MBNL1: variants seen among roughly 807,000 people sequenced by gnomAD.
MBNL1 encodes muscleblind-like protein 1.
In MBNL1, 8 loss-of-function variants were observed where a neutral mutation model predicts 42.2. That is an observed-to-expected ratio of 0.19 (90% CI 0.11 to 0.34). The LOEUF (loss-of-function observed/expected upper bound fraction) is 0.34. Among genes scored for constraint, MBNL1 ranks in the 10% least tolerant of loss-of-function variants. The pLI, the probability that MBNL1 is intolerant of heterozygous loss-of-function variation, is 1.00. For missense variants in MBNL1, 309 were observed against 495.3 expected, an observed-to-expected ratio of 0.62 and a Z score of 3.57; for synonymous variants, 169 against 173.9, an observed-to-expected ratio of 0.97 and a Z score of 0.22.
intron 2 of MBNL1, among the ~76,000 whole-genome samples, chr3:152,355,217 T>C (rs2095426314): frequency 6.6e-6 from 1 of 152,210 alleles, no homozygotes; most frequent in Non-Finnish European, 1.5e-5. Flanking sequence ...AGAGCCAGGC[T>C]TCTTACCAGC....
intron 2 of MBNL1, among the ~76,000 whole-genome samples, chr3:152,386,594 G>T (rs889554455): frequency 6.6e-6 from 1 of 152,002 alleles, no homozygotes; most frequent in East Asian, 1.9e-4. Flanking sequence ...ATAATTTATA[G>T]TATGTGTAGT....
At chr3:152,371,962 CA>C (rs1455241688) in intron 2 of MBNL1, among the ~76,000 whole-genome samples, 2 of 152,226 alleles carry the variant, frequency 1.3e-5, no homozygotes, top group Non-Finnish European at 2.9e-5. Flanking sequence ...TTGGTCTTCT[CA>C]CATAGTCCCA....
intron 2 of MBNL1, among the ~76,000 whole-genome samples, chr3:152,386,815 T>C (rs2097449239): frequency 1.3e-5 from 2 of 152,156 alleles, no homozygotes; most frequent in African/African-American, 4.8e-5. Context: ...TTTAGACTTT[T>C]TAAAGCAGCA....
At chr3:152,244,881 A>C (rs1417957515) in intron 2 of MBNL1, among the ~76,000 whole-genome samples, 2 of 152,028 alleles carry the variant, frequency 1.3e-5, no homozygotes, top group African/African-American at 2.4e-5. Context: ...GCATTCTTAC[A>C]TTTGTTTTTA....
intron 3 of MBNL1, among the ~76,000 whole-genome samples, chr3:152,431,184 T>C (rs2099002253): frequency 6.6e-6 from 1 of 152,162 alleles, no homozygotes; most frequent in Non-Finnish European, 1.5e-5. Flanking sequence ...CGAGGGGCTG[T>C]CTTGTATGTT....
Position 152,304,897 on chromosome 3 carries a change from AG to A in MBNL1, c.174+4532del, listed in dbSNP as rs575616778. Among the ~76,000 whole-genome samples the A allele has an allele frequency of 3.1e-4, 47 of 152,310 alleles. No individual in the cohort carries two copies. In the South Asian group the frequency reaches 5.6e-3, roughly 18 times the overall value. On this transcript the variant is annotated intron_variant, in intron 2 of 9. Coordinates refer to ENST00000324210, the MANE Select transcript of MBNL1 (RefSeq NM_021038.5). ...TTAGAAAACTTTTTTTTATGAGTAA[AG>A]GTTTTTTTAGACTATTAGATAAATT...
At chr3:152,340,861 C>T (rs775503132) in intron 2 of MBNL1, 2 of 1,613,570 alleles carry the variant, frequency 1.2e-6, no homozygotes, top group African/African-American at 1.3e-5. Flanking sequence ...ATAGACAAAG[C>T]CAAGCCAGTA....
At chr3:152,356,715 A>G (rs1346734635) in intron 2 of MBNL1, among the ~76,000 whole-genome samples, 1 of 152,144 alleles carries the variant, frequency 6.6e-6, no homozygotes, top group African/African-American at 2.4e-5. Flanking sequence ...TGATCTGCCC[A>G]AAGTGAGACC....
chr3:152,247,563 T>C (rs980022735), intron 2 of MBNL1, among the ~76,000 whole-genome samples: 1 of 151,984 alleles, frequency 6.6e-6, no homozygotes, highest in Non-Finnish European at 1.5e-5. Context: ...ATCTGCATTG[T>C]AGAAAATAAA....
chr3:152,394,230 T>G (rs186394410), intron 2 of MBNL1, among the ~76,000 whole-genome samples: 52 of 152,336 alleles, frequency 3.4e-4, no homozygotes, highest in Admixed American at 2.0e-3. Flanking sequence ...TCAATTAGTG[T>G]GAAATACATA....
intron 1 of MBNL1, among the ~76,000 whole-genome samples, chr3:152,276,534 A>G (rs2045312829): frequency 6.6e-6 from 1 of 152,198 alleles, no homozygotes; most frequent in South Asian, 2.1e-4. Context: ...GCTTGAGAAC[A>G]TAAACGTTTG....
At chr3:152,264,953 AT>A (rs2036942920), upstream of MBNL1, 1 of 152,008 alleles carries the variant, frequency 6.6e-6, no homozygotes, top group Admixed American at 6.6e-5. Context: ...ACATATTTTT[AT>A]TTTTAAATAA....
chr3:152,328,989 T>A (rs968988648), intron 2 of MBNL1, among the ~76,000 whole-genome samples: 2 of 151,966 alleles, frequency 1.3e-5, no homozygotes, highest in Non-Finnish European at 2.9e-5. Context: ...AAGGAGCTAG[T>A]GAAAAGTAAA....
chr3:152,427,412 A>AG (rs2098946860), intron 3 of MBNL1, among the ~76,000 whole-genome samples: 2 of 152,038 alleles, frequency 1.3e-5, no homozygotes, highest in Non-Finnish European at 2.9e-5. Context: ...TTAAAGATAG[A>AG]GGGTCTTGCT....
chr3:152,268,862 G>A (rs2038122611), upstream of MBNL1: 1 of 453,640 alleles, frequency 2.2e-6, no homozygotes, highest in Non-Finnish European at 4.4e-6. Flanking sequence ...GGCGGGCGGG[G>A]GAGGGGCCGC....
At position 152,403,816 on chromosome 3, in the gene MBNL1, G is replaced by A. The variant is rs114522164; in HGVS notation, c.175-11125G>A. Among the ~76,000 whole-genome samples the A allele has an allele frequency of 2.3e-3, 343 of 151,998 alleles. 1 individual carries two copies. The highest frequency in any genetic ancestry group is 7.8e-3 in the African/African-American group (323 of 41,478). ...CATGAGCCAATTTGTCTTTCCCCTC[G>A]CTGCTGCCTCAAGTCTGGGAGAGCT... On this transcript the variant is annotated intron_variant, in intron 2 of 9. Coordinates refer to ENST00000324210, the MANE Select transcript of MBNL1 (RefSeq NM_021038.5).
chr3:152,306,667 A>T (rs1285392886), intron 2 of MBNL1, among the ~76,000 whole-genome samples: 1 of 152,194 alleles, frequency 6.6e-6, no homozygotes, highest in African/African-American at 2.4e-5. Flanking sequence ...CTTGATTGAA[A>T]TCAGGAGTCT....
At chr3:152,458,655 C>T (rs1738663027) in intron 8 of MBNL1, 1 of 164,006 alleles carries the variant, frequency 6.1e-6, no homozygotes, top group South Asian at 1.6e-4. Flanking sequence ...TGAAATAAGT[C>T]AACTCTATAT....
chr3:152,312,214 AGATG>A, intron 2 of MBNL1, among the ~76,000 whole-genome samples: 1 of 150,406 alleles, frequency 6.6e-6, no homozygotes, highest in Non-Finnish European at 1.5e-5. Context: ...AAAAAAAAAG[AGATG>A]TATCTCAAAT....
Sources: allele counts gnomAD v4.1 joint callset (sites outside exome capture counted in the v4.1 genomes callset), GRCh38; gene constraint gnomAD v4.1.1; transcripts MANE v1.5; gene names NCBI Gene and HGNC (gene_info 2026-07-23, HGNC 2026-07-21).